Variants in CDK19 observed in about 807,000 individuals in gnomAD.
The protein encoded by CDK19 is cyclin-dependent kinase 19.
CDK19 carries 20 observed loss-of-function variants against 68.3 expected under a neutral mutation model. The observed-to-expected ratio is 0.29, with a 90% CI of 0.21 to 0.43. CDK19 has a LOEUF of 0.43. Among genes scored for constraint, CDK19 ranks in the 20% least tolerant of loss-of-function variants. The pLI is 1.00. For synonymous variants in CDK19, 221 were observed against 222.8 expected (o/e 0.99, Z 0.07); for missense variants, 339 against 623.5 (o/e 0.54, Z 4.86).
At chr6:110,616,129 T>C (rs1582674020) in intron 12 of CDK19, among the ~76,000 whole-genome samples, 1 of 152,176 alleles carries the variant, frequency 6.6e-6, no homozygotes, top group East Asian at 1.9e-4. Flanking sequence ...GCTGGCCCTA[T>C]GTGTATTAAA....
intron 2 of CDK19, among the ~76,000 whole-genome samples, chr6:110,719,624 TA>T (rs1775668434): frequency 6.6e-6 from 1 of 152,088 alleles, no homozygotes; most frequent in Non-Finnish European, 1.5e-5. Context: ...GAAAAGATAA[TA>T]CAGTTAAAGG....
At chr6:110,763,574 C>T (rs938953489) in intron 1 of CDK19, among the ~76,000 whole-genome samples, 2 of 152,054 alleles carry the variant, frequency 1.3e-5, no homozygotes, top group African/African-American at 4.8e-5. Context: ...AGCCACCACA[C>T]CCTGCTAATT....
At chr6:110,699,917 C>A (rs1357292123) in intron 2 of CDK19, among the ~76,000 whole-genome samples, 2 of 152,102 alleles carry the variant, frequency 1.3e-5, no homozygotes, top group Non-Finnish European at 2.9e-5. Context: ...GGCCATGGAC[C>A]CATACTGGCT....
At chr6:110,616,321 C>T (rs1466767345) in intron 12 of CDK19, among the ~76,000 whole-genome samples, 1 of 152,156 alleles carries the variant, frequency 6.6e-6, no homozygotes, top group Non-Finnish European at 1.5e-5. Context: ...TGCCAAACGA[C>T]TTGGAATATC....
chr6:110,722,589 T>C (rs1317142203), intron 2 of CDK19, among the ~76,000 whole-genome samples: 1 of 147,452 alleles, frequency 6.8e-6, no homozygotes, highest in Non-Finnish European at 1.5e-5. Context: ...AATAGGAAAA[T>C]ACATTTAAAA....
chr6:110,815,200 TC>T lies in CDK19; in HGVS notation c.-65del. 8 of 1,324,950 alleles carry T rather than the reference TC, an allele frequency of 6.0e-6. No homozygotes were observed. Among genetic ancestry groups the T allele is most frequent in the Admixed American group, 2.6e-5 (1 of 38,824 alleles). 82.1% of individuals were successfully genotyped at this position (1,324,950 alleles called of 1,614,324 possible). ...GCCGCCGCTCAGTCCCTCCTCCTCC[TC>T]CCCCCGCGACCGCCGCTCCACTTCT... On this transcript the variant is annotated 5_prime_UTR_variant, in exon 1 of 13. Transcript: ENST00000368911.
intron 1 of CDK19, among the ~76,000 whole-genome samples, chr6:110,808,735 C>T (rs1330134565): frequency 6.6e-6 from 1 of 152,054 alleles, no homozygotes; most frequent in Admixed American, 6.6e-5. Context: ...ACCCATAAAA[C>T]CAAAATTTGT....
intron 2 of CDK19, among the ~76,000 whole-genome samples, chr6:110,692,024 G>A (rs942359583): frequency 1.8e-4 from 28 of 151,638 alleles, no homozygotes; most frequent in East Asian, 7.9e-4. Context: ...GGCTGGGCGC[G>A]GTGGCTCATG....
intron 4 of CDK19, among the ~76,000 whole-genome samples, chr6:110,639,687 T>C (rs1780007703): frequency 6.6e-6 from 1 of 152,232 alleles, no homozygotes; most frequent in South Asian, 2.1e-4. Context: ...ATTTGCTGAT[T>C]GTTAAAAATG....
chr6:110,662,550 T>A (rs1198018570), intron 4 of CDK19, among the ~76,000 whole-genome samples: 2 of 152,174 alleles, frequency 1.3e-5, no homozygotes, highest in Non-Finnish European at 2.9e-5. Flanking sequence ...CTTGCTGAAA[T>A]TCAATTCAAA....
rs771837983 is a variant in CDK19 at position 110,643,194 on chromosome 6, C to T, written c.457-4488G>A. 10 of 1,288,008 alleles carry T rather than the reference C, an allele frequency of 7.8e-6. No homozygotes were observed. The African/African-American group carries it at 9.1e-5, about 12-fold the overall frequency. 79.8% of individuals were successfully genotyped at this position (1,288,008 alleles called of 1,614,324 possible). A position where few individuals can be genotyped will look rare whatever the true frequency, so the allele number is the denominator to read the frequency against. ...CCCTTCTGGAGGAAACACTTACCAA[C>T]TTAGGCCTGACGAGTAAAACAATAC... is the stretch of plus-strand genomic sequence containing the variant. On this transcript the variant is annotated intron_variant, in intron 4 of 12. Transcript: ENST00000368911.
chr6:110,705,331 C>A (rs936832981), intron 2 of CDK19, among the ~76,000 whole-genome samples: 4 of 152,054 alleles, frequency 2.6e-5, no homozygotes, highest in Non-Finnish European at 5.9e-5. Context: ...TGAGCCACTG[C>A]GCCTGGCCAG....
intron 2 of CDK19, among the ~76,000 whole-genome samples, chr6:110,673,872 AG>A (rs1771233092): frequency 6.6e-6 from 1 of 152,138 alleles, no homozygotes; most frequent in Non-Finnish European, 1.5e-5. Flanking sequence ...TGGGATTACA[AG>A]GTGTAAACCA....
intron 2 of CDK19, among the ~76,000 whole-genome samples, chr6:110,726,052 AT>A (rs1776292168): frequency 6.6e-6 from 1 of 152,118 alleles, no homozygotes; most frequent in Admixed American, 6.6e-5. Context: ...TGGGAACAAC[AT>A]TTTAATACCA....
At chr6:110,656,835 C>T (rs1288573841) in intron 4 of CDK19, among the ~76,000 whole-genome samples, 1 of 152,162 alleles carries the variant, frequency 6.6e-6, no homozygotes, top group Non-Finnish European at 1.5e-5. Context: ...AGGCTATTTA[C>T]CTAACTAACT....
chr6:110,679,376 GC>G (rs1771811659), intron 2 of CDK19, among the ~76,000 whole-genome samples: 1 of 151,884 alleles, frequency 6.6e-6, no homozygotes, highest in Admixed American at 6.6e-5. Context: ...ACTTGGGGAG[GC>G]CAAAGAGGGC....
chr6:110,674,864 T>C (rs987193568), intron 2 of CDK19, among the ~76,000 whole-genome samples: 1 of 148,958 alleles, frequency 6.7e-6, no homozygotes, highest in African/African-American at 2.5e-5. Flanking sequence ...ATTATGCCAA[T>C]GTACTCCAGC....
chr6:110,647,056 A>T (rs1030421289), intron 4 of CDK19, among the ~76,000 whole-genome samples: 5 of 151,332 alleles, frequency 3.3e-5, no homozygotes, highest in African/African-American at 9.7e-5. Flanking sequence ...ACGACCCGAC[A>T]CTATTTCTGC....
intron 1 of CDK19, among the ~76,000 whole-genome samples, chr6:110,805,242 G>T (rs1209565296): frequency 6.6e-6 from 1 of 151,786 alleles, no homozygotes; most frequent in African/African-American, 2.4e-5. Context: ...AGATACTACT[G>T]GTTTTAAAGA....
Sources: allele counts gnomAD v4.1 joint callset (sites outside exome capture counted in the v4.1 genomes callset), GRCh38; gene constraint gnomAD v4.1.1; transcripts MANE v1.5; gene names NCBI Gene and HGNC (gene_info 2026-07-23, HGNC 2026-07-21).